The following ASTN2 variants were observed in gnomAD, a reference collection of about 807,000 sequenced individuals.
ASTN2 encodes the protein astrotactin 2, also known as astrotactin-2.
In ASTN2, 54 loss-of-function variants were observed where a neutral mutation model predicts 139.8. The ratio of observed to expected loss-of-function variants is 0.39; its 90% CI spans 0.31 to 0.48. The LOEUF is 0.48. Ranked by LOEUF, ASTN2 falls within the 20% of genes least tolerant of loss-of-function variation. The pLI, the probability that ASTN2 is intolerant of heterozygous loss-of-function variation, is 0.95. For synonymous variants in ASTN2, 756 were observed against 719.5 expected, an observed-to-expected ratio of 1.05 and a Z score of -0.81; for missense variants, 1,565 against 1,725.1, an observed-to-expected ratio of 0.91 and a Z score of 1.64.
At chr9:116,906,638 G>A (rs191780030) in intron 10 of ASTN2, among the ~76,000 whole-genome samples, 131 of 151,080 alleles carry the variant, frequency 8.7e-4, no homozygotes, top group African/African-American at 2.9e-3. Context: ...CCTATAGACT[G>A]TCAGCTTCTA....
At chr9:117,090,377 C>A (rs1306697157) in intron 5 of ASTN2, among the ~76,000 whole-genome samples, 3 of 152,156 alleles carry the variant, frequency 2.0e-5, no homozygotes, top group African/African-American at 7.2e-5. Context: ...CTTCCACTCT[C>A]CATATTGATG....
At chr9:116,708,396 G>A (rs760201345) in intron 16 of ASTN2, among the ~76,000 whole-genome samples, 3 of 152,158 alleles carry the variant, frequency 2.0e-5, no homozygotes, top group Non-Finnish European at 4.4e-5. Context: ...CAGCGACTCA[G>A]CCACAATTTG....
chr9:116,703,724 A>T (rs1255762283), intron 16 of ASTN2, among the ~76,000 whole-genome samples: 1 of 50,918 alleles, frequency 2.0e-5, no homozygotes, highest in African/African-American at 3.8e-5. Context: ...CTTAAAGTAT[A>T]ATAATAAAAA....
intron 1 of ASTN2, 40 bp from the exon 2 acceptor site, chr9:117,291,553 C>T (rs753655135): frequency 5.2e-6 from 8 of 1,539,018 alleles, no homozygotes; most frequent in Non-Finnish European, 7.0e-6. Context: ...AGCCGTACGC[C>T]TGGCCTTGGT....
At chr9:117,055,385 G>A (rs1185788376) in intron 5 of ASTN2, among the ~76,000 whole-genome samples, 2 of 152,168 alleles carry the variant, frequency 1.3e-5, no homozygotes, top group African/African-American at 2.4e-5. Flanking sequence ...GGGAGGCCGA[G>A]GTGAGAGGAC....
chr9:116,733,804 A>AATAT (rs1431778567), intron 13 of ASTN2, among the ~76,000 whole-genome samples: 1 of 152,124 alleles, frequency 6.6e-6, no homozygotes, highest in Non-Finnish European at 1.5e-5. Flanking sequence ...CTTGTCTATA[A>AATAT]AGTGAGACTC....
At position 117,007,716 on chromosome 9, in the gene ASTN2, T is replaced by C. The variant is rs151273004; in HGVS notation, c.1591+376A>G. Among the ~76,000 whole-genome samples, 259 of 152,266 alleles carry C rather than the reference T, an allele frequency of 1.7e-3. 1 individual carries two copies. The highest frequency in any genetic ancestry group is 5.8e-3 in the African/African-American group (241 of 41,556). On this transcript the variant is annotated intron_variant, in intron 7 of 22. Coordinates refer to ENST00000313400, the MANE Select transcript of ASTN2 (RefSeq NM_001365068.1). The stretch of plus-strand genomic sequence containing the variant: ...CTTCTCATTCAATCCTAATGACAGT[T>C]TTGTGGGTTGGTGCTATTTTCATTC...
chr9:117,387,319 GA>G (rs2130938364), intron 1 of ASTN2, among the ~76,000 whole-genome samples: 1 of 152,230 alleles, frequency 6.6e-6, no homozygotes, highest in South Asian at 2.1e-4. Context: ...AGTTTTCAGT[GA>G]GTGAATGTAG....
At chr9:117,365,928 G>A (rs1829833421) in intron 1 of ASTN2, among the ~76,000 whole-genome samples, 1 of 152,112 alleles carries the variant, frequency 6.6e-6, no homozygotes, top group African/African-American at 2.4e-5. Context: ...CTCTTTCCAA[G>A]GAGCAGATTC....
chr9:117,134,277 TATATATATATATATATATACACACACAC>T (rs1394407207), intron 4 of ASTN2, among the ~76,000 whole-genome samples: 3 of 69,236 alleles, frequency 4.3e-5, no homozygotes, highest in African/African-American at 1.5e-4. Context: ...TATATATATA[TATATATATATATATATATACACACACAC>T]ACACACACAC....
At chr9:116,878,019 C>T (rs749097211) in intron 10 of ASTN2, among the ~76,000 whole-genome samples, 4 of 152,290 alleles carry the variant, frequency 2.6e-5, no homozygotes, top group East Asian at 1.9e-4. Context: ...TACCATCTCA[C>T]GCCAGTCTGA....
chr9:116,853,317 GA>G (rs1453828554), intron 11 of ASTN2, among the ~76,000 whole-genome samples: 1 of 152,142 alleles, frequency 6.6e-6, no homozygotes, highest in Non-Finnish European at 1.5e-5. Flanking sequence ...ATCAGATGGA[GA>G]AAATACCTTA....
chr9:117,285,991 A>G (rs1324803493), intron 2 of ASTN2, among the ~76,000 whole-genome samples: 2 of 152,236 alleles, frequency 1.3e-5, no homozygotes, highest in Non-Finnish European at 2.9e-5. Flanking sequence ...GCGCCAAGAT[A>G]AAACATATTG....
At chr9:116,908,353 G>GA (rs1834221412) in intron 10 of ASTN2, among the ~76,000 whole-genome samples, 2 of 152,042 alleles carry the variant, frequency 1.3e-5, no homozygotes, top group Non-Finnish European at 2.9e-5. Context: ...GTAAAATGGG[G>GA]AAAAAAGACC....
intron 6 of ASTN2, among the ~76,000 whole-genome samples, chr9:117,032,026 G>A (rs1361018745): frequency 6.6e-6 from 1 of 152,132 alleles, no homozygotes; most frequent in African/African-American, 2.4e-5. Context: ...TAAAGCAGGA[G>A]GCCAGTTTTC....
chr9:117,134,266 T>TTATA (rs5900267), intron 4 of ASTN2, among the ~76,000 whole-genome samples: 355 of 92,392 alleles, frequency 3.8e-3, no homozygotes, highest in African/African-American at 8.7e-3. Context: ...CTAATGAAAA[T>TTATA]TATATATATA....
intron 13 of ASTN2, among the ~76,000 whole-genome samples, chr9:116,774,567 G>T (rs926276287): frequency 1.3e-5 from 2 of 152,090 alleles, no homozygotes; most frequent in African/African-American, 4.8e-5. Flanking sequence ...TGCAGATAAG[G>T]AAGCTAAGCC....
rs763683947 is a variant in ASTN2, at chr9:117,209,836, A to G, written c.1015+4522T>C. 3.0e-3 allele frequency among the ~76,000 whole-genome samples: 458 copies of G among 152,292 alleles called. 5 individuals carry two copies. Among genetic ancestry groups the G allele is most frequent in the Non-Finnish European group, 5.4e-3 (365 of 67,984 alleles). On this transcript the variant is annotated intron_variant, in intron 3 of 22. Transcript: ENST00000313400. ...AACAAATCTCAGAAAATTTTAAAAC[A>G]CTGAAATTGTATCAAATATCTTATC... is the stretch of plus-strand genomic sequence containing the variant.
At chr9:116,755,953 G>A (rs948551715) in intron 13 of ASTN2, among the ~76,000 whole-genome samples, 1 of 152,236 alleles carries the variant, frequency 6.6e-6, no homozygotes, top group African/African-American at 2.4e-5. Flanking sequence ...CCAGAAGAAA[G>A]CCCTCCTAAC....
Sources: gnomAD v4.1 joint callset for allele counts (sites outside exome capture counted in the v4.1 genomes callset) on GRCh38, gnomAD v4.1.1 for gene constraint, MANE v1.5 for transcripts, NCBI Gene and HGNC (gene_info 2026-07-23, HGNC 2026-07-21) for gene names.